POLA1: variants seen among roughly 807,000 people sequenced by gnomAD.
POLA1 encodes DNA polymerase alpha catalytic subunit.
Under a neutral mutation model 124.0 loss-of-function variants are expected in POLA1, and 15 were observed. That is an observed-to-expected ratio of 0.12 (90% CI 0.08 to 0.19). The LOEUF is 0.19. POLA1 is among the 10% of genes least tolerant of loss of function. The probability of loss-of-function intolerance (pLI) is 1.00; values close to 1 mark genes in which losing one functional copy is unlikely to be tolerated. For synonymous variants in POLA1, 408 were observed against 389.4 expected, an observed-to-expected ratio of 1.05 and a Z score of -0.56; for missense variants, 886 against 1,103.4, an observed-to-expected ratio of 0.80 and a Z score of 2.79.
chrX:24,843,753 T>G (rs898892835), intron 34 of POLA1, 76 bp downstream of exon 34: 14 of 735,855 alleles, frequency 1.9e-5, no homozygotes, highest in Non-Finnish European at 2.6e-5. Context: ...TTCATGAAAC[T>G]AAAATTTTGA....
At chrX:24,831,433 T>G (rs1304098199) in intron 32 of POLA1, among the ~76,000 whole-genome samples, 1 of 111,833 alleles carries the variant, frequency 8.9e-6, no homozygotes, top group African/African-American at 3.3e-5. Flanking sequence ...TTTTTTATTT[T>G]TTTTTGAGAA....
chrX:24,848,146 C>T (rs941550444), intron 34 of POLA1, among the ~76,000 whole-genome samples: 2 of 112,200 alleles, frequency 1.8e-5, no homozygotes, highest in African/African-American at 6.5e-5. Flanking sequence ...CTCTATATAA[C>T]GTGGCAAAGA....
At chrX:24,830,506 A>G (rs1241653930) in intron 32 of POLA1, among the ~76,000 whole-genome samples, 1 of 112,247 alleles carries the variant, frequency 8.9e-6, no homozygotes, top group Admixed American at 9.4e-5. Context: ...AACCCATGCA[A>G]GATTATTGCT....
intron 26 of POLA1, among the ~76,000 whole-genome samples, chrX:24,807,115 G>T (rs2045814349): frequency 8.9e-6 from 1 of 112,033 alleles, no homozygotes; most frequent in African/African-American, 3.2e-5. Flanking sequence ...ATGGAGTAGG[G>T]GTGGATGATG....
At chrX:24,815,143 G>C (rs377237024) in intron 30 of POLA1, 32 bp downstream of exon 30, 1 of 1,170,054 alleles carries the variant, frequency 8.5e-7, no homozygotes, top group African/African-American at 1.8e-5. Flanking sequence ...GAGCCCAGCT[G>C]CTGTCATGTG....
chrX:24,773,293 G>C (rs2045075966), intron 26 of POLA1, among the ~76,000 whole-genome samples: 1 of 112,179 alleles, frequency 8.9e-6, no homozygotes, highest in Admixed American at 9.4e-5. Context: ...TGTCAACTGG[G>C]AGGGACACCT....
chrX:24,714,527 G>A (rs766480762), intron 4 of POLA1, 27 bp from the exon 5 acceptor site: 52 of 964,552 alleles, frequency 5.4e-5, no homozygotes, highest in Non-Finnish European at 7.2e-5. Flanking sequence ...GCTGATGCAT[G>A]TTTCTAAATA....
At chrX:24,760,221 A>G (rs899679989) in intron 26 of POLA1, among the ~76,000 whole-genome samples, 4 of 111,792 alleles carry the variant, frequency 3.6e-5, no homozygotes, top group African/African-American at 1.3e-4. Context: ...TCTCCCATAT[A>G]ATTTTTTTTT....
Position 24,738,513 on chromosome X carries a change from T to G in POLA1, c.2040+772T>G, listed in dbSNP as rs190383299. Among the ~76,000 whole-genome samples, 18 of 111,837 alleles carry G rather than the reference T, an allele frequency of 1.6e-4. No homozygotes were observed. In the East Asian group the frequency reaches 2.8e-3, roughly 17 times the overall value. ...GGAAAAAAGAAGGCAATAAACTAAG[T>G]GCTTTCTGTGTTAGTTACCTCTCAT... On this transcript the variant is annotated intron_variant, in intron 19 of 36. Coordinates refer to ENST00000379068, the MANE Select transcript of POLA1 (RefSeq NM_001330360.2).
intron 34 of POLA1, among the ~76,000 whole-genome samples, chrX:24,874,587 C>A (rs1402140275): frequency 1.8e-5 from 2 of 111,797 alleles, no homozygotes; most frequent in Non-Finnish European, 3.8e-5. Flanking sequence ...ACCGGTAGTT[C>A]TTTTTGAACA....
Position 24,735,391 on chromosome X carries a change from T to C in POLA1, c.1834-8T>C, listed in dbSNP as rs911215498. On this transcript the variant is annotated splice_polypyrimidine_tract_variant and splice_region_variant and intron_variant, in intron 17 of 36. Coordinates refer to ENST00000379068, the MANE Select transcript of POLA1 (RefSeq NM_001330360.2). ...GTCGTCAGTGACTGGTGTGTTTTTA[T>C]CTAACAGAATGTGAAGGTTGAGGTT... The C allele has an allele frequency of 2.6e-6, 3 of 1,157,843 alleles. No individual in the cohort carries two copies. The highest frequency in any genetic ancestry group is 3.5e-6 in the Non-Finnish European group (3 of 846,339).
intron 26 of POLA1, among the ~76,000 whole-genome samples, chrX:24,763,149 T>G (rs1277101309): frequency 8.9e-6 from 1 of 111,847 alleles, no homozygotes; most frequent in Admixed American, 9.5e-5. Context: ...GGAAACTGAT[T>G]AGCAGGCTAT....
intron 36 of POLA1, among the ~76,000 whole-genome samples, chrX:24,962,775 T>C (rs2048182750): frequency 8.9e-6 from 1 of 112,107 alleles, no homozygotes; most frequent in South Asian, 3.7e-4. Flanking sequence ...CACTTGTTAC[T>C]AATGTGGGCT....
At chrX:24,854,790 C>A (rs890313112) in intron 34 of POLA1, among the ~76,000 whole-genome samples, 2 of 108,905 alleles carry the variant, frequency 1.8e-5, no homozygotes, top group African/African-American at 6.7e-5. Flanking sequence ...GATTGTGCCA[C>A]TGCAGTCCAT....
chrX:24,777,917 G>A (rs925112995), intron 26 of POLA1, among the ~76,000 whole-genome samples: 2 of 112,415 alleles, frequency 1.8e-5, no homozygotes, highest in Non-Finnish European at 3.8e-5. Flanking sequence ...TAATGGTTCA[G>A]GGTGGAAAGT....
intron 26 of POLA1, among the ~76,000 whole-genome samples, chrX:24,780,215 G>T (rs762741575): frequency 1.8e-5 from 2 of 111,836 alleles, no homozygotes; most frequent in Non-Finnish European, 3.8e-5. Flanking sequence ...GTAAAATGAG[G>T]TTGGAAGGGT....
chrX:24,816,276 G>C (rs1338523873), intron 30 of POLA1, among the ~76,000 whole-genome samples: 1 of 112,360 alleles, frequency 8.9e-6, no homozygotes, highest in Non-Finnish European at 1.9e-5. Flanking sequence ...GCATGTAGTG[G>C]TGATGATATT....
chrX:24,862,279 T>C (rs1469718864), intron 34 of POLA1, among the ~76,000 whole-genome samples: 3 of 112,177 alleles, frequency 2.7e-5, no homozygotes, highest in African/African-American at 9.7e-5. Flanking sequence ...ATACATTAAT[T>C]TGAAATCTTA....
intron 26 of POLA1, among the ~76,000 whole-genome samples, chrX:24,794,133 C>T (rs1396240307): frequency 3.6e-5 from 4 of 110,131 alleles, no homozygotes; most frequent in African/African-American, 1.3e-4. Context: ...TGTGCCACCA[C>T]ACCTGGCTAA....
Sources: gnomAD v4.1 joint callset for allele counts (sites outside exome capture counted in the v4.1 genomes callset) on GRCh38, gnomAD v4.1.1 for gene constraint, MANE v1.5 for transcripts, NCBI Gene and HGNC (gene_info 2026-07-23, HGNC 2026-07-21) for gene names.